ZNF566: variants seen among roughly 807,000 people sequenced by gnomAD.
ZNF566 encodes zinc finger protein 566.
ZNF566 carries 27 observed loss-of-function variants against 32.8 expected under a neutral mutation model. The observed-to-expected ratio is 0.82, with a 90% CI of 0.61 to 1.14. The LOEUF is 1.14. Among genes scored for constraint, ZNF566 ranks in the 50% most tolerant of loss-of-function variants. The pLI, the probability that ZNF566 is intolerant of heterozygous loss-of-function variation, is 0.00. For missense variants in ZNF566, 402 were observed against 490.4 expected (o/e 0.82, Z 1.70); for synonymous variants, 154 against 159.5 (o/e 0.97, Z 0.26).
intron 4 of ZNF566, among the ~76,000 whole-genome samples, chr19:36,466,137 T>C (rs1240174652): frequency 9.9e-5 from 15 of 152,084 alleles, no homozygotes; most frequent in Admixed American, 9.8e-4. Context: ...CATATCTGAA[T>C]TTATCACAGT....
intron 4 of ZNF566, among the ~76,000 whole-genome samples, chr19:36,461,299 AC>A (rs1249297717): frequency 6.6e-6 from 1 of 152,154 alleles, no homozygotes; most frequent in Non-Finnish European, 1.5e-5. Flanking sequence ...TGTAGGATAC[AC>A]CCTGAGTTAC....
chr19:36,479,524 T>C (rs78067793), intron 1 of ZNF566, among the ~76,000 whole-genome samples: 27 of 152,222 alleles, frequency 1.8e-4, no homozygotes, highest in Non-Finnish European at 3.8e-4. Context: ...ATCAAAAATG[T>C]TACTAAAAAT....
At chr19:36,466,032 C>T (rs1001946274) in intron 4 of ZNF566, among the ~76,000 whole-genome samples, 1 of 151,390 alleles carries the variant, frequency 6.6e-6, no homozygotes, top group Admixed American at 6.6e-5. Context: ...GAAGAGATGA[C>T]TACTAAGAAT....
rs541924027 is a variant in ZNF566, at chr19:36,479,915, T to C, written c.-59-3299A>G. ...TCTCACTGTGTTGCCCAGGCTTGTC[T>C]TAAACTCTTGGGCTCAAGCAATCCT... On this transcript the variant is annotated intron_variant, in intron 1 of 4. Transcript: ENST00000452939. 3.9e-4 allele frequency among the ~76,000 whole-genome samples: 59 copies of C among 152,318 alleles called. 2 individuals carry two copies. The South Asian group carries it at 0.011, about 29-fold the overall frequency.
At chr19:36,478,519 C>T (rs2033950780) in intron 1 of ZNF566, among the ~76,000 whole-genome samples, 2 of 151,882 alleles carry the variant, frequency 1.3e-5, no homozygotes, top group Admixed American at 1.3e-4. Flanking sequence ...GTTGCATTCT[C>T]AACACTCCTC....
At chr19:36,463,467 T>C (rs565357803) in intron 4 of ZNF566, among the ~76,000 whole-genome samples, 1 of 151,430 alleles carries the variant, frequency 6.6e-6, no homozygotes, top group Admixed American at 6.6e-5. Context: ...ACTGTGGTCA[T>C]GGCAAACATG....
At chr19:36,459,133 G>C (rs2033393746) in intron 4 of ZNF566, among the ~76,000 whole-genome samples, 3 of 152,126 alleles carry the variant, frequency 2.0e-5, no homozygotes, top group Admixed American at 6.5e-5. Context: ...AAAATAATAA[G>C]TCATAGGGAA....
intron 4 of ZNF566, among the ~76,000 whole-genome samples, chr19:36,471,925 G>A (rs1222080183): frequency 1.3e-5 from 2 of 151,928 alleles, no homozygotes; most frequent in Admixed American, 1.3e-4. Flanking sequence ...GTATTTTTTA[G>A]TAGAGATGGG....
chr19:36,472,895 G>T lies in ZNF566; in HGVS notation c.232+16C>A, dbSNP rs770586030. 6.2e-7 allele frequency: 1 copy of T among 1,601,852 alleles called. No individual in the cohort carries two copies. Among genetic ancestry groups the T allele is most frequent in the Admixed American group, 1.7e-5 (1 of 57,808 alleles). ...CTACCAGCCAAATCACGCATTACCTGCTGTGCCTCACTTACCTGGCCACTG... is the reference window on the plus strand; with the variant it reads ...CTACCAGCCAAATCACGCATTACCTTCTGTGCCTCACTTACCTGGCCACTG... On this transcript the variant is annotated intron_variant, in intron 4 of 4. Coordinates refer to ENST00000452939, the MANE Select transcript of ZNF566 (RefSeq NM_001145344.1).
intron 4 of ZNF566, among the ~76,000 whole-genome samples, chr19:36,455,590 A>G (rs958698038): frequency 6.6e-6 from 1 of 152,008 alleles, no homozygotes; most frequent in Non-Finnish European, 1.5e-5. Flanking sequence ...AAAAATACAA[A>G]AATTAGCCGG....
intron 1 of ZNF566, among the ~76,000 whole-genome samples, chr19:36,478,113 G>A (rs1388131515): frequency 6.6e-6 from 1 of 151,898 alleles, no homozygotes; most frequent in Non-Finnish European, 1.5e-5. Context: ...GTAGCACCAT[G>A]TTATCAATTA....
intron 4 of ZNF566, among the ~76,000 whole-genome samples, chr19:36,469,323 A>G (rs2033703925): frequency 6.6e-6 from 1 of 151,884 alleles, no homozygotes; most frequent in Non-Finnish European, 1.5e-5. Flanking sequence ...GGATCACCTG[A>G]GGTCAGGAGT....
chr19:36,473,036 T>C, intron 3 of ZNF566, 30 bp from the exon 4 acceptor site: 1 of 1,579,190 alleles, frequency 6.3e-7, no homozygotes, highest in Admixed American at 1.7e-5. Flanking sequence ...CAAAACAAAT[T>C]TATCATGAGC....
chr19:36,471,157 T>C (rs565141838), intron 4 of ZNF566, among the ~76,000 whole-genome samples: 1 of 145,996 alleles, frequency 6.8e-6, no homozygotes, highest in South Asian at 2.2e-4. Flanking sequence ...GAGGTTGCAG[T>C]GAGCCGAGAT....
intron 4 of ZNF566, among the ~76,000 whole-genome samples, chr19:36,466,631 C>T (rs990044284): frequency 9.2e-5 from 14 of 152,110 alleles, no homozygotes; most frequent in African/African-American, 3.4e-4. Context: ...CATTTGACTA[C>T]AGTAATCATT....
chr19:36,463,953 TG>T (rs1410331243), intron 4 of ZNF566, among the ~76,000 whole-genome samples: 3 of 152,044 alleles, frequency 2.0e-5, no homozygotes, highest in African/African-American at 7.2e-5. Context: ...CTCGAACTCC[TG>T]GCCTCAAGTG....
intron 4 of ZNF566, among the ~76,000 whole-genome samples, chr19:36,459,347 T>G (rs2033399518): frequency 6.6e-6 from 1 of 152,168 alleles, no homozygotes; most frequent in Admixed American, 6.5e-5. Context: ...CCCAAGTAAC[T>G]GGGATTACAG....
intron 4 of ZNF566, among the ~76,000 whole-genome samples, chr19:36,464,074 C>G (rs2033551581): frequency 6.6e-6 from 1 of 151,976 alleles, no homozygotes; most frequent in Non-Finnish European, 1.5e-5. Context: ...TTAAATAAAA[C>G]ATAAAGTAAT....
chr19:36,449,274 A>G lies in ZNF566; in HGVS notation c.960T>C (p.Phe320=). ...GTTTAATAAGTTGTGAGCTCTGACT[A>G]AAGGCATTGCCACATTCCTTACATT... is the stretch of plus-strand genomic sequence containing the variant. The part of the protein sequence containing the change: ...PYECKECGNA[F]SQSSQLIKHQ... Residue 320 remains phenylalanine, a synonymous_variant, in exon 5 of 5, where the codon TTT becomes TTC. Transcript: ENST00000452939. 2.5e-6 allele frequency: 4 copies of G among 1,614,158 alleles called. No individual in the cohort carries two copies. Among genetic ancestry groups the G allele is most frequent in the Non-Finnish European group, 3.4e-6 (4 of 1,180,020 alleles).
Sources: allele counts gnomAD v4.1 joint callset (sites outside exome capture counted in the v4.1 genomes callset), GRCh38; gene constraint gnomAD v4.1.1; transcripts MANE v1.5; gene names NCBI Gene and HGNC (gene_info 2026-07-23, HGNC 2026-07-21).